Variants in ANKS1B observed in about 807,000 individuals in gnomAD.
The protein encoded by ANKS1B is ankyrin repeat and sterile alpha motif domain-containing protein 1B.
Under a neutral mutation model 148.3 loss-of-function variants are expected in ANKS1B, and 36 were observed. The observed-to-expected ratio is 0.24, with a 90% confidence interval of 0.19 to 0.32. The LOEUF is 0.32. Among genes scored for constraint, ANKS1B ranks in the 10% least tolerant of loss-of-function variants. The probability of loss-of-function intolerance (pLI) is 1.00; values close to 1 mark genes in which losing one functional copy is unlikely to be tolerated. For missense variants in ANKS1B, 1,157 were observed against 1,542.6 expected (o/e 0.75, Z 4.19); for synonymous variants, 542 against 560.8 (o/e 0.97, Z 0.47).
intron 9 of ANKS1B, among the ~76,000 whole-genome samples, chr12:99,584,753 T>C (rs55815251): frequency 0.015 from 2,275 of 152,244 alleles, 53 homozygotes; most frequent in African/African-American, 0.052. Flanking sequence ...ACATCTTATG[T>C]GGCAGCAGGC....
At chr12:99,690,146 C>T (rs1176965347) in intron 8 of ANKS1B, among the ~76,000 whole-genome samples, 1 of 152,094 alleles carries the variant, frequency 6.6e-6, no homozygotes, top group Non-Finnish European at 1.5e-5. Context: ...CTCATGAGAA[C>T]TCACTCACTA....
intron 17 of ANKS1B, among the ~76,000 whole-genome samples, chr12:98,864,834 G>T (rs2152273262): frequency 6.6e-6 from 1 of 152,138 alleles, no homozygotes; most frequent in African/African-American, 2.4e-5. Flanking sequence ...CAGAACACAC[G>T]CTGTTTGGCC....
intron 12 of ANKS1B, among the ~76,000 whole-genome samples, chr12:99,279,461 T>A (rs1456464076): frequency 6.6e-6 from 1 of 152,124 alleles, no homozygotes; most frequent in Non-Finnish European, 1.5e-5. Context: ...TCACTCCTCA[T>A]TCACACTCTT....
At chr12:99,934,706 TGGTGAA>T (rs2094713884) in intron 1 of ANKS1B, among the ~76,000 whole-genome samples, 1 of 152,094 alleles carries the variant, frequency 6.6e-6, no homozygotes, top group Admixed American at 6.6e-5. Flanking sequence ...AAAACCAACT[TGGTGAA>T]AAAGATTAAA....
intron 9 of ANKS1B, among the ~76,000 whole-genome samples, chr12:99,584,366 G>A (rs768834405): frequency 5.9e-5 from 9 of 152,156 alleles, no homozygotes; most frequent in Non-Finnish European, 1.0e-4. Flanking sequence ...TTGTGAAGCC[G>A]AGGAGGGAGG....
chr12:99,715,066 T>C (rs1600410002), intron 8 of ANKS1B, among the ~76,000 whole-genome samples: 1 of 151,092 alleles, frequency 6.6e-6, no homozygotes. Context: ...GAGGCGGGGG[T>C]TGCAATAAGC....
chr12:99,420,966 A>G (rs2095062464), intron 11 of ANKS1B, among the ~76,000 whole-genome samples: 1 of 152,200 alleles, frequency 6.6e-6, no homozygotes, highest in Non-Finnish European at 1.5e-5. Context: ...TTTGCAGCAA[A>G]GTAGAATTGG....
chr12:98,845,351 A>G (rs2099448411), intron 17 of ANKS1B, among the ~76,000 whole-genome samples: 1 of 152,072 alleles, frequency 6.6e-6, no homozygotes, highest in Admixed American at 6.6e-5. Flanking sequence ...TCTCTCCCAG[A>G]GATGCTGTGT....
chr12:99,129,069 A>G, intron 15 of ANKS1B, among the ~76,000 whole-genome samples: 1 of 152,210 alleles, frequency 6.6e-6, no homozygotes, highest in East Asian at 1.9e-4. Context: ...GAACAAATTG[A>G]GTTGCAGTAG....
intron 1 of ANKS1B, among the ~76,000 whole-genome samples, chr12:99,927,419 C>T (rs771520311): frequency 5.9e-5 from 9 of 152,082 alleles, no homozygotes; most frequent in Non-Finnish European, 8.8e-5. Flanking sequence ...AATCTGTTTG[C>T]CATAAATTGA....
intron 19 of ANKS1B, among the ~76,000 whole-genome samples, chr12:98,809,717 A>C (rs1444072297): frequency 2.6e-5 from 4 of 152,064 alleles, no homozygotes; most frequent in African/African-American, 4.8e-5. Context: ...AGAAACTAAA[A>C]ATAAAATCGT....
chr12:98,940,570 A>T (rs2153012237), intron 17 of ANKS1B, among the ~76,000 whole-genome samples: 1 of 152,146 alleles, frequency 6.6e-6, no homozygotes, highest in East Asian at 1.9e-4. Flanking sequence ...TATTATTATT[A>T]CCATGAATTA....
chr12:99,848,578 T>TGA (rs2087119944), intron 1 of ANKS1B, among the ~76,000 whole-genome samples: 1 of 152,168 alleles, frequency 6.6e-6, no homozygotes, highest in Non-Finnish European at 1.5e-5. Context: ...TATAGTCCCT[T>TGA]GATTTATGAC....
chr12:98,843,853 G>T (rs1411874787), intron 17 of ANKS1B, among the ~76,000 whole-genome samples: 2 of 152,136 alleles, frequency 1.3e-5, no homozygotes, highest in African/African-American at 4.8e-5. Context: ...TGATCTAAAT[G>T]AAACATCCCT....
chr12:98,791,284 G>A (rs1239160705), intron 22 of ANKS1B, among the ~76,000 whole-genome samples: 2 of 151,320 alleles, frequency 1.3e-5, no homozygotes, highest in African/African-American at 4.9e-5. Flanking sequence ...GGCAGAGGTT[G>A]CAGTGAGCCA....
At chr12:98,978,390 G>A (rs569890307) in intron 17 of ANKS1B, among the ~76,000 whole-genome samples, 1 of 152,194 alleles carries the variant, frequency 6.6e-6, no homozygotes, top group South Asian at 2.1e-4. Context: ...TATTTTTGGA[G>A]GATCTTTGCC....
chr12:99,374,544 G>T (rs1267200255), intron 12 of ANKS1B, among the ~76,000 whole-genome samples: 1 of 152,116 alleles, frequency 6.6e-6, no homozygotes, highest in Non-Finnish European at 1.5e-5. Flanking sequence ...TAATTGTCTG[G>T]CTTGTTTTTA....
intron 17 of ANKS1B, among the ~76,000 whole-genome samples, chr12:99,022,648 T>C (rs543785522): frequency 7.2e-5 from 11 of 152,194 alleles, no homozygotes; most frequent in African/African-American, 2.4e-4. Context: ...TGTTACTGAA[T>C]TTCGAGGGTA....
intron 17 of ANKS1B, among the ~76,000 whole-genome samples, chr12:98,916,282 T>A (rs1460184109): frequency 6.6e-6 from 1 of 152,234 alleles, no homozygotes; most frequent in African/African-American, 2.4e-5. Context: ...CAGCGGAATA[T>A]ACAAATACCT....
Sources: gnomAD v4.1 joint callset for allele counts (sites outside exome capture counted in the v4.1 genomes callset) on GRCh38, gnomAD v4.1.1 for gene constraint, MANE v1.5 for transcripts, NCBI Gene and HGNC (gene_info 2026-07-23, HGNC 2026-07-21) for gene names.